ADIPOR2: variants seen among roughly 807,000 people sequenced by gnomAD.
The protein encoded by ADIPOR2 is adiponectin receptor protein 2.
A neutral mutation model predicts 40.9 loss-of-function variants in ADIPOR2; 18 were observed. The ratio of observed to expected loss-of-function variants is 0.44; its 90% CI spans 0.30 to 0.65. The LOEUF (loss-of-function observed/expected upper bound fraction) is 0.65. Among genes scored for constraint, ADIPOR2 ranks in the 30% least tolerant of loss-of-function variants. ADIPOR2 has a pLI of 0.09. For missense variants in ADIPOR2, 283 were observed against 479.2 expected (o/e 0.59, Z 3.82); for synonymous variants, 165 against 166.4 (o/e 0.99, Z 0.06).
At chr12:1,711,474 G>A (rs2094676684) in intron 1 of ADIPOR2, among the ~76,000 whole-genome samples, 1 of 152,060 alleles carries the variant, frequency 6.6e-6, no homozygotes, top group African/African-American at 2.4e-5. Flanking sequence ...AGTTGGTGGG[G>A]AGGCAGATAC....
chr12:1,765,973 A>T (rs903064975), intron 2 of ADIPOR2, among the ~76,000 whole-genome samples: 1 of 152,220 alleles, frequency 6.6e-6, no homozygotes, highest in Admixed American at 6.5e-5. Context: ...CATTTAGTTT[A>T]GTAGACACAT....
chr12:1,782,395 G>A (rs1205571757), intron 6 of ADIPOR2, among the ~76,000 whole-genome samples: 1 of 152,186 alleles, frequency 6.6e-6, no homozygotes, highest in Non-Finnish European at 1.5e-5. Flanking sequence ...GTTTTGCAAG[G>A]GTCATTGTTA....
At chr12:1,728,846 T>C (rs1340621619) in intron 1 of ADIPOR2, among the ~76,000 whole-genome samples, 2 of 152,108 alleles carry the variant, frequency 1.3e-5, no homozygotes, top group Non-Finnish European at 2.9e-5. Flanking sequence ...TCTTCTGATT[T>C]ACAGATATTG....
chr12:1,718,900 A>G (rs1423989921), intron 1 of ADIPOR2, among the ~76,000 whole-genome samples: 3 of 152,074 alleles, frequency 2.0e-5, no homozygotes, highest in Non-Finnish European at 4.4e-5. Context: ...ATGCTGGGGG[A>G]AAAAAGAAGT....
At chr12:1,785,838 T>C in intron 7 of ADIPOR2, 106 bp from the exon 8 acceptor site, 1 of 1,426,420 alleles carries the variant, frequency 7.0e-7, no homozygotes, top group South Asian at 1.4e-5. Context: ...ATCCATTCCC[T>C]GCCTTCTGCT....
chr12:1,751,810 G>GCTCCTGGCCTCTT (rs1284640973), intron 1 of ADIPOR2, among the ~76,000 whole-genome samples: 1 of 152,016 alleles, frequency 6.6e-6, no homozygotes, highest in African/African-American at 2.4e-5. Flanking sequence ...GTGAGCCACT[G>GCTCCTGGCCTCTT]TGCCCGCCTG....
At chr12:1,695,022 T>TTG (rs1555164941) in intron 1 of ADIPOR2, among the ~76,000 whole-genome samples, 1 of 123,506 alleles carries the variant, frequency 8.1e-6, no homozygotes, top group African/African-American at 2.7e-5. Flanking sequence ...TTTTTTTTTT[T>TTG]TTTTTGTTTT....
At chr12:1,694,314 A>G (rs926036650) in intron 1 of ADIPOR2, among the ~76,000 whole-genome samples, 1 of 152,176 alleles carries the variant, frequency 6.6e-6, no homozygotes, top group South Asian at 2.1e-4. Context: ...CAGTCCAGAG[A>G]TATACTGTCA....
intron 3 of ADIPOR2, among the ~76,000 whole-genome samples, chr12:1,776,493 G>A (rs1237954120): frequency 6.6e-6 from 1 of 152,202 alleles, no homozygotes; most frequent in Non-Finnish European, 1.5e-5. Flanking sequence ...GATAAACCAT[G>A]TGCCTGCCAT....
rs1326671625 is a variant in ADIPOR2, at chr12:1,786,584, T to G, written c.*512T>G. The G allele has an allele frequency of 2.6e-5, 4 of 153,518 alleles. No homozygotes were observed. The highest frequency in any genetic ancestry group is 9.6e-5 in the African/African-American group (4 of 41,456). The allele number at this position is 153,518 out of a possible 1,614,324, so 9.5% of individuals were successfully genotyped here. A position where few individuals can be genotyped will look rare whatever the true frequency, so the allele number is the denominator to read the frequency against. On this transcript the variant is annotated 3_prime_UTR_variant, in exon 8 of 8. Coordinates refer to ENST00000357103, the MANE Select transcript of ADIPOR2 (RefSeq NM_024551.3). ...CTAACTGTTTAAATAAGACTTTATA[T>G]AAATGTTTAAAACATAGGGGTAAGG... is the stretch of plus-strand genomic sequence containing the variant.
chr12:1,696,592 TGCC>T (rs2094639439), intron 1 of ADIPOR2: 1 of 152,286 alleles, frequency 6.6e-6, no homozygotes, highest in South Asian at 2.1e-4. Context: ...AACAGGGTTT[TGCC>T]ATGTTGTCCA....
intron 1 of ADIPOR2, among the ~76,000 whole-genome samples, chr12:1,735,347 C>G (rs866808706): frequency 2.7e-4 from 41 of 152,272 alleles, no homozygotes; most frequent in Middle Eastern, 3.4e-3. Context: ...ATTTTATTCT[C>G]TTTGAAGCAA....
intron 2 of ADIPOR2, among the ~76,000 whole-genome samples, chr12:1,756,814 A>G (rs1237882948): frequency 6.6e-6 from 1 of 152,098 alleles, no homozygotes; most frequent in Non-Finnish European, 1.5e-5. Flanking sequence ...TTCTGGATAT[A>G]TTTTGTGGGT....
intron 1 of ADIPOR2, among the ~76,000 whole-genome samples, chr12:1,706,928 T>A (rs896163543): frequency 1.3e-5 from 2 of 152,152 alleles, no homozygotes; most frequent in Non-Finnish European, 2.9e-5. Context: ...AGTTCAAGGC[T>A]GCAGTGGGCC....
chr12:1,754,668 A>G (rs1429967109), intron 2 of ADIPOR2, among the ~76,000 whole-genome samples, 154 bp downstream of exon 2: 2 of 151,464 alleles, frequency 1.3e-5, no homozygotes, highest in Admixed American at 6.6e-5. Flanking sequence ...TCTTCTGGAT[A>G]ACTTGAAGTC....
intron 3 of ADIPOR2, 148 bp downstream of exon 3, chr12:1,773,109 T>C (rs1263119817): frequency 1.0e-6 from 1 of 998,854 alleles, no homozygotes; most frequent in Non-Finnish European, 1.4e-6. Flanking sequence ...CTTGGGACTC[T>C]AATCCTGTTG....
chr12:1,762,853 A>G (rs1330360515), intron 2 of ADIPOR2, among the ~76,000 whole-genome samples: 1 of 152,210 alleles, frequency 6.6e-6, no homozygotes, highest in African/African-American at 2.4e-5. Context: ...TTTCTCTTCA[A>G]AGGGGCAGGG....
intron 2 of ADIPOR2, chr12:1,757,582 G>T: frequency 8.9e-7 from 1 of 1,117,432 alleles, no homozygotes; most frequent in African/African-American, 1.5e-5. Context: ...TCAGGGTAGC[G>T]GATGGTGCCG....
intron 1 of ADIPOR2, among the ~76,000 whole-genome samples, chr12:1,751,878 A>G (rs955620806): frequency 6.6e-6 from 1 of 151,618 alleles, no homozygotes; most frequent in African/African-American, 2.4e-5. Flanking sequence ...GCTCCTGCTG[A>G]TGAAAAGTTT....
Sources: allele counts gnomAD v4.1 joint callset (sites outside exome capture counted in the v4.1 genomes callset), GRCh38; gene constraint gnomAD v4.1.1; transcripts MANE v1.5; gene names NCBI Gene and HGNC (gene_info 2026-07-23, HGNC 2026-07-21).